Variants in DESI2 observed in about 807,000 individuals in gnomAD.
DESI2 encodes the protein deubiquitinase DESI2.
DESI2 carries 10 observed loss-of-function variants against 24.1 expected under a neutral mutation model. That is an observed-to-expected ratio of 0.41 (90% CI 0.26 to 0.70). DESI2 has a LOEUF of 0.70. Among genes scored for constraint, DESI2 ranks in the 30% least tolerant of loss-of-function variants. DESI2 has a pLI of 0.29. For missense variants in DESI2, 122 were observed against 234.9 expected, an observed-to-expected ratio of 0.52 and a Z score of 3.14; for synonymous variants, 71 against 87.7, an observed-to-expected ratio of 0.81 and a Z score of 1.06.
chr1:244,693,588 C>T (rs754184400), intron 4 of DESI2, among the ~76,000 whole-genome samples: 5 of 152,156 alleles, frequency 3.3e-5, no homozygotes, highest in Admixed American at 1.3e-4. Context: ...CCCGCCACCA[C>T]GCCTGGCTAA....
At chr1:244,694,183 G>A (rs951252087) in intron 4 of DESI2, among the ~76,000 whole-genome samples, 1 of 152,090 alleles carries the variant, frequency 6.6e-6, no homozygotes, top group Non-Finnish European at 1.5e-5. Flanking sequence ...TATCAGTTCC[G>A]ATGCTTCCTC....
At chr1:244,687,676 G>T (rs1466997089) in intron 2 of DESI2, among the ~76,000 whole-genome samples, 4 of 152,120 alleles carry the variant, frequency 2.6e-5, no homozygotes, top group Non-Finnish European at 5.9e-5. Flanking sequence ...CATATTAAAT[G>T]TTGGCTATAA....
intron 1 of DESI2, among the ~76,000 whole-genome samples, chr1:244,683,411 A>G (rs916523367): frequency 3.3e-5 from 5 of 151,780 alleles, no homozygotes; most frequent in African/African-American, 1.2e-4. Context: ...TCCCAGGTTC[A>G]TGCCATTCTC....
At chr1:244,660,159 TTTGTTGTTGTTTTG>T (rs1190840973) in intron 1 of DESI2, among the ~76,000 whole-genome samples, 2 of 151,622 alleles carry the variant, frequency 1.3e-5, no homozygotes, top group Non-Finnish European at 2.9e-5. Context: ...TTTTTCTTTT[TTTGTTGTTGTTTTG>T]TTGTTGTTGT....
chr1:244,657,483 C>A (rs964781259), intron 1 of DESI2, among the ~76,000 whole-genome samples: 6 of 152,170 alleles, frequency 3.9e-5, no homozygotes, highest in African/African-American at 1.2e-4. Flanking sequence ...AACTTAAATT[C>A]TTCTTTATTA....
chr1:244,700,970 G>C (rs1677428130), intron 4 of DESI2, among the ~76,000 whole-genome samples: 1 of 152,184 alleles, frequency 6.6e-6, no homozygotes. Context: ...ATGTGGTTAT[G>C]ATATTTAGCT....
At chr1:244,697,133 T>C (rs939279590) in intron 4 of DESI2, among the ~76,000 whole-genome samples, 2 of 152,192 alleles carry the variant, frequency 1.3e-5, no homozygotes, top group East Asian at 1.9e-4. Flanking sequence ...GTCATAGTCA[T>C]GAGTATGCTA....
chr1:244,659,833 A>T (rs1249891191), intron 1 of DESI2, among the ~76,000 whole-genome samples: 1 of 152,198 alleles, frequency 6.6e-6, no homozygotes, highest in African/African-American at 2.4e-5. Context: ...GTGTTTTGTA[A>T]ACCCAAAAAT....
intron 1 of DESI2, among the ~76,000 whole-genome samples, chr1:244,664,367 G>A (rs1046805314): frequency 6.6e-6 from 1 of 152,082 alleles, no homozygotes; most frequent in Admixed American, 6.6e-5. Flanking sequence ...TGTATTATTG[G>A]GAGAAAATCA....
intron 4 of DESI2, among the ~76,000 whole-genome samples, chr1:244,704,311 G>A (rs1213635691): frequency 1.3e-5 from 2 of 152,088 alleles, no homozygotes; most frequent in Non-Finnish European, 2.9e-5. Flanking sequence ...GGTATAATTG[G>A]AGGCAAAAAC....
At chr1:244,664,020 GA>G (rs34195856) in intron 1 of DESI2, among the ~76,000 whole-genome samples, 24,058 of 89,076 alleles carry the variant, frequency 0.27, 2,329 homozygotes, top group African/African-American at 0.36. Context: ...TCCGTCTCAG[GA>G]AAAAAAAAAA....
At chr1:244,671,584 TGTC>T (rs1023781342) in intron 1 of DESI2, among the ~76,000 whole-genome samples, 31 of 152,310 alleles carry the variant, frequency 2.0e-4, no homozygotes, top group African/African-American at 6.0e-4. Flanking sequence ...TGGATAAAAA[TGTC>T]GTGGATTATC....
At chr1:244,664,044 A>AT (rs1437293807) in intron 1 of DESI2, among the ~76,000 whole-genome samples, 1 of 138,520 alleles carries the variant, frequency 7.2e-6, no homozygotes, top group Non-Finnish European at 1.5e-5. Flanking sequence ...AAAAAAAAAA[A>AT]TTATTTAAGA....
intron 1 of DESI2, among the ~76,000 whole-genome samples, chr1:244,679,951 G>A (rs942134297): frequency 1.4e-5 from 2 of 146,218 alleles, no homozygotes; most frequent in Admixed American, 6.8e-5. Flanking sequence ...TTTAATTGAT[G>A]TAGTATTATT....
intron 1 of DESI2, among the ~76,000 whole-genome samples, chr1:244,664,669 T>C (rs1014839272): frequency 6.6e-6 from 1 of 152,228 alleles, no homozygotes; most frequent in African/African-American, 2.4e-5. Context: ...CTGCACTCAG[T>C]CTGGGCAACA....
intron 1 of DESI2, among the ~76,000 whole-genome samples, chr1:244,663,456 G>A (rs1032005522): frequency 1.3e-5 from 2 of 152,012 alleles, no homozygotes; most frequent in Admixed American, 6.6e-5. Context: ...GATTACAGGC[G>A]TGAGCCACCG....
At chr1:244,671,433 G>C (rs147909198) in intron 1 of DESI2, among the ~76,000 whole-genome samples, 1 of 152,006 alleles carries the variant, frequency 6.6e-6, no homozygotes, top group Non-Finnish European at 1.5e-5. Context: ...TCCCACCTTC[G>C]GCAGCTGCCT....
chr1:244,680,923 TAAA>T (rs886617158), intron 1 of DESI2, among the ~76,000 whole-genome samples: 1 of 148,728 alleles, frequency 6.7e-6, no homozygotes, highest in African/African-American at 2.5e-5. Flanking sequence ...TGGCTTCTAT[TAAA>T]AAAAGAGCTT....
chr1:244,670,620 T>C (rs902646121), intron 1 of DESI2, among the ~76,000 whole-genome samples: 1 of 135,470 alleles, frequency 7.4e-6, no homozygotes, highest in African/African-American at 2.8e-5. Flanking sequence ...ATCCCCATTT[T>C]GTAAGTAAGG....
Sources: gnomAD v4.1 joint callset for allele counts (sites outside exome capture counted in the v4.1 genomes callset) on GRCh38, gnomAD v4.1.1 for gene constraint, MANE v1.5 for transcripts, NCBI Gene and HGNC (gene_info 2026-07-23, HGNC 2026-07-21) for gene names.